SOST: variants seen among roughly 807,000 people sequenced by gnomAD.
SOST encodes the protein sclerosteosis.
In SOST, 14 loss-of-function variants were observed where a neutral mutation model predicts 16.7. The observed-to-expected ratio is 0.84, with a 90% confidence interval of 0.55 to 1.31. The LOEUF is 1.31. SOST is among the 50% of genes most tolerant of loss of function. The probability of loss-of-function intolerance (pLI) is 0.00; values close to 1 mark genes in which losing one functional copy is unlikely to be tolerated. For synonymous variants in SOST, 150 were observed against 140.9 expected, an observed-to-expected ratio of 1.06 and a Z score of -0.46; for missense variants, 291 against 310.7, an observed-to-expected ratio of 0.94 and a Z score of 0.48.
rs765892196 is a variant in SOST at position 43,755,028 on chromosome 17, G to C, written c.*314C>G. 1.3e-4 allele frequency: 50 copies of C among 371,042 alleles called. No individual in the cohort carries two copies. The highest frequency in any genetic ancestry group is 2.0e-4 in the Non-Finnish European group (41 of 208,380). The allele number at this position is 371,042 out of a possible 1,614,324, so 23.0% of individuals were successfully genotyped here. ...CGCTCCCTTAAAACCCCAGGGCGGT[G>C]AAAATGCTTCCATTTCTGCCTCCTC... is the stretch of plus-strand genomic sequence containing the variant. On this transcript the variant is annotated 3_prime_UTR_variant, in exon 2 of 2. Transcript: ENST00000301691. The surrounding 1 kb of genome is among the most constrained non-coding windows in gnomAD (Gnocchi z 4.3).
intron 1 of SOST, among the ~76,000 whole-genome samples, chr17:43,756,978 G>A (rs1186233151): frequency 6.6e-6 from 1 of 152,172 alleles, no homozygotes; most frequent in East Asian, 1.9e-4. Flanking sequence ...GACCAAACCA[G>A]AGAGGGGACA....
chr17:43,757,449 AG>A (rs1974143426), intron 1 of SOST, among the ~76,000 whole-genome samples: 1 of 152,112 alleles, frequency 6.6e-6, no homozygotes, highest in Non-Finnish European at 1.5e-5. Flanking sequence ...TAGTCCCAAC[AG>A]GTTGTGAGGC....
In SOST at chr17:43,755,318, G is replaced by T. The variant is rs765528807; in HGVS notation, c.*24C>A. 5.2e-6 allele frequency: 8 copies of T among 1,524,586 alleles called. No individual in the cohort carries two copies. Among genetic ancestry groups the T allele is most frequent in the East Asian group, 4.8e-5 (2 of 41,446 alleles). 94.4% of individuals were successfully genotyped at this position (1,524,586 alleles called of 1,614,324 possible). ...CGGGTTCAGGGCCGGGGCGCCCGCC[G>T]GTGGGGAGGGGCGCGGGCGGGCTCT... On this transcript the variant is annotated 3_prime_UTR_variant, in exon 2 of 2. Transcript: ENST00000301691. The surrounding 1 kb of genome is among the most constrained non-coding windows in gnomAD (Gnocchi z 4.3).
Position 43,758,769 on chromosome 17 carries a change from C to T in SOST, c.-28G>A. ...TACCAGCCAGAGGAGGGCACGCCAC[C>T]TTCCAGTAGCACAGGCTCTGGTCTC... On this transcript the variant is annotated 5_prime_UTR_variant, in exon 1 of 2. Coordinates refer to ENST00000301691, the MANE Select transcript of SOST (RefSeq NM_025237.3). The T allele has an allele frequency of 6.3e-7, 1 of 1,575,988 alleles. No homozygotes were observed. Among genetic ancestry groups the T allele is most frequent in the Non-Finnish European group, 8.7e-7 (1 of 1,149,194 alleles).
rs553781758 is a variant in SOST, at chr17:43,755,389, C to A, written c.595G>T (p.Ala199Ser). 1.3e-5 allele frequency: 21 copies of A among 1,588,660 alleles called. No homozygotes were observed. In the East Asian group the frequency reaches 1.4e-4, roughly 10 times the overall value. Reference sequence around the variant, plus strand: ...GCCTGGTTGGCTTTGGCGCTCCGGGCGCGGGGCCGCGGCTTCCGGCCCTTC... The same window carrying A: ...GCCTGGTTGGCTTTGGCGCTCCGGGAGCGGGGCCGCGGCTTCCGGCCCTTC... Reference protein sequence around the residue: ...PQKGRKPRPRARSAKANQAEL... With the variant: ...PQKGRKPRPRSRSAKANQAEL... The change falls in exon 2 of 2, where the codon GCC (alanine) becomes TCC (serine). Residue 199 changes from alanine (A) to serine (S), a missense_variant. By Grantham distance (99) the Ala-to-Ser change is moderately conservative. Transcript: ENST00000301691. The surrounding 1 kb of genome is among the most constrained non-coding windows in gnomAD (Gnocchi z 4.3).
Position 43,755,721 on chromosome 17 carries a change from T to C in SOST, c.263A>G (p.Tyr88Cys). The change falls in exon 2 of 2, where the codon TAC (tyrosine) becomes TGC (cysteine). Residue 88 changes from tyrosine (Y) to cysteine (C), a missense_variant. By Grantham distance (194) the Tyr-to-Cys change is radical. Transcript: ENST00000301691. This position sits in a 1 kb window ranked among gnomAD's most constrained non-coding sequence, Gnocchi z 4.3. ...YSCRELHFTR[Y>C]VTDGPCRSAK... ...GCTGCGGCACGGCCCATCGGTCACGTAGCGGGTGAAGTGCAGCTCGCGGCA... is the reference window on the plus strand; with the variant it reads ...GCTGCGGCACGGCCCATCGGTCACGCAGCGGGTGAAGTGCAGCTCGCGGCA... The C allele has an allele frequency of 6.3e-7, 1 of 1,577,064 alleles. No homozygotes were observed. The highest frequency in any genetic ancestry group is 8.5e-7 in the Non-Finnish European group (1 of 1,169,918).
In SOST at chr17:43,755,956, C is replaced by T. The variant is rs538561928; in HGVS notation, c.221-193G>A. On this transcript the variant is annotated intron_variant, in intron 1 of 1. Transcript: ENST00000301691. The surrounding 1 kb of genome is among the most constrained non-coding windows in gnomAD (Gnocchi z 4.3). ...AGCTCTCCTGCGCACCCTGTCCCCT[C>T]GGAGCCAAATGACTGCTGGGGTTCA... Among the ~76,000 whole-genome samples the T allele has an allele frequency of 1.2e-4, 19 of 152,352 alleles. No homozygotes were observed. The highest frequency in any genetic ancestry group is 4.3e-4 in the African/African-American group (18 of 41,586).
chr17:43,758,493 T>C, intron 1 of SOST, 29 bp downstream of exon 1: 2 of 1,576,472 alleles, frequency 1.3e-6, no homozygotes, highest in Non-Finnish European at 1.7e-6. Flanking sequence ...CAGGATCTTT[T>C]ACTAAGAATT....
Position 43,758,126 on chromosome 17 carries a change from C to G in SOST, c.220+396G>C, listed in dbSNP as rs147921758. 2.0e-3 allele frequency among the ~76,000 whole-genome samples: 305 copies of G among 152,282 alleles called. 1 individual carries two copies. Among genetic ancestry groups the G allele is most frequent in the African/African-American group, 7.0e-3 (290 of 41,532 alleles). On this transcript the variant is annotated intron_variant, in intron 1 of 1. Coordinates refer to ENST00000301691, the MANE Select transcript of SOST (RefSeq NM_025237.3). ...TGTCCGGTGCCCCACAGGTGCTGTTCTGTGGATGGGAGGCTCCCTTACCTT... is the reference window on the plus strand; with the variant it reads ...TGTCCGGTGCCCCACAGGTGCTGTTGTGTGGATGGGAGGCTCCCTTACCTT...
At chr17:43,758,086 A>C (rs1974150197) in intron 1 of SOST, among the ~76,000 whole-genome samples, 1 of 152,108 alleles carries the variant, frequency 6.6e-6, no homozygotes, top group African/African-American at 2.4e-5. Context: ...GGGGACAGCC[A>C]CCACCAGCAT....
At chr17:43,757,177 T>C (rs1974139753) in intron 1 of SOST, among the ~76,000 whole-genome samples, 1 of 152,218 alleles carries the variant, frequency 6.6e-6, no homozygotes, top group African/African-American at 2.4e-5. Flanking sequence ...TTTTCGAGAA[T>C]AGCGCCCCTA....
chr17:43,758,494 A>G, intron 1 of SOST, 28 bp downstream of exon 1: 1 of 1,575,286 alleles, frequency 6.3e-7, no homozygotes, highest in South Asian at 1.1e-5. Context: ...AGGATCTTTT[A>G]CTAAGAATTC....
chr17:43,756,521 G>A (rs940511152), intron 1 of SOST, among the ~76,000 whole-genome samples: 1 of 152,150 alleles, frequency 6.6e-6, no homozygotes, highest in African/African-American at 2.4e-5. Context: ...CTGCATCTCC[G>A]GACTCCACTT....
Position 43,755,673 on chromosome 17 carries a change from A to G in SOST, c.311T>C (p.Val104Ala), listed in dbSNP as rs2154590430. ...CGCCGGGCCGCACTGGCCGGAGCAC[A>G]CCAGCTCGGTGACCGGCTTGGCGCT... The part of the protein sequence containing the change: ...CRSAKPVTEL[V>A]CSGQCGPARL... Residue 104 changes from valine to alanine, a missense_variant, in exon 2 of 2, where the codon GTG becomes GCG. Val to Ala is a moderately conservative substitution (Grantham distance 64, BLOSUM62 0). Transcript: ENST00000301691. The surrounding 1 kb of genome is among the most constrained non-coding windows in gnomAD (Gnocchi z 4.3). The G allele has an allele frequency of 6.4e-7, 1 of 1,569,666 alleles. No homozygotes were observed. Among genetic ancestry groups the G allele is most frequent in the Non-Finnish European group, 8.6e-7 (1 of 1,164,942 alleles).
chr17:43,755,660 C>G lies in SOST; in HGVS notation c.324G>C (p.Gln108His). The G allele has an allele frequency of 6.4e-7, 1 of 1,566,814 alleles. No homozygotes were observed. The highest frequency in any genetic ancestry group is 8.6e-7 in the Non-Finnish European group (1 of 1,163,584). Residue 108 changes from glutamine (Q) to histidine (H), a missense_variant, in exon 2 of 2, where the codon CAG becomes CAC. Coordinates refer to ENST00000301691, the MANE Select transcript of SOST (RefSeq NM_025237.3). The surrounding 1 kb of genome is among the most constrained non-coding windows in gnomAD (Gnocchi z 4.3). ...TGGGCAGCAGGCGCGCCGGGCCGCA[C>G]TGGCCGGAGCACACCAGCTCGGTGA... ...KPVTELVCSGQCGPARLLPNA... is the reference protein window; with the variant it reads ...KPVTELVCSGHCGPARLLPNA...
Position 43,758,696 on chromosome 17 carries a change from T to C in SOST, c.46A>G (p.Thr16Ala), listed in dbSNP as rs1439063195. 1.2e-6 allele frequency: 2 copies of C among 1,613,816 alleles called. No individual in the cohort carries two copies. Among genetic ancestry groups the C allele is most frequent in the Admixed American group, 3.3e-5 (2 of 59,990 alleles). Residue 16 changes from threonine (T) to alanine (A), a missense_variant, in exon 1 of 2, where the codon ACA becomes GCA. By Grantham distance (58) the Thr-to-Ala change is moderately conservative (BLOSUM62 0). Transcript: ENST00000301691. ...TGGCCCTCCACTACACGGAAGGCTG[T>C]GTGTACCAGCAGGCAGACGAGACAC... ...ALCLVCLLVH[T>A]AFRVVEGQGW...
chr17:43,757,847 G>A (rs865429), intron 1 of SOST, among the ~76,000 whole-genome samples: 123,975 of 152,178 alleles, frequency 0.81, 51,356 homozygotes, highest in Non-Finnish European at 0.88. Flanking sequence ...TGGGCAGGCC[G>A]TGGGCAATGC....
Position 43,754,961 on chromosome 17 carries a change from C to T in SOST, c.*381G>A, listed in dbSNP as rs1974110246. The stretch of plus-strand genomic sequence containing the variant: ...AGCGAGGTGCAAGGGGGAATCTTAT[C>T]CAACTTTCTTAACCAGTCCCTGGAC... On this transcript the variant is annotated 3_prime_UTR_variant, in exon 2 of 2. Coordinates refer to ENST00000301691, the MANE Select transcript of SOST (RefSeq NM_025237.3). The T allele has an allele frequency of 2.9e-5, 6 of 205,126 alleles. No individual in the cohort carries two copies. In the South Asian group the frequency reaches 8.9e-4, roughly 30 times the overall value. 12.7% of individuals were successfully genotyped at this position (205,126 alleles called of 1,614,324 possible).
chr17:43,757,982 T>C (rs1160986859), intron 1 of SOST, among the ~76,000 whole-genome samples: 1 of 152,148 alleles, frequency 6.6e-6, no homozygotes. Flanking sequence ...TCAGCTCTTC[T>C]CACTACCAAG....
Sources: gnomAD v4.1 joint callset for allele counts (sites outside exome capture counted in the v4.1 genomes callset) on GRCh38, gnomAD v4.1.1 for gene constraint, Gnocchi (gnomAD v3.1) non-coding constraint, MANE v1.5 for transcripts, NCBI Gene and HGNC (gene_info 2026-07-23, HGNC 2026-07-21) for gene names.